Variants in PLCE1 observed in about 807,000 individuals in gnomAD.
PLCE1 encodes phospholipase C epsilon 1.
Under a neutral mutation model 242.8 loss-of-function variants are expected in PLCE1, and 119 were observed. The ratio of observed to expected loss-of-function variants is 0.49; its 90% confidence interval spans 0.42 to 0.57. PLCE1 has a LOEUF of 0.57. Among genes scored for constraint, PLCE1 ranks in the 20% least tolerant of loss-of-function variants. PLCE1 has a pLI of 0.00. For missense variants in PLCE1, 2,441 were observed against 2,788.8 expected, an observed-to-expected ratio of 0.88 and a Z score of 2.81; for synonymous variants, 945 against 1,017.4, an observed-to-expected ratio of 0.93 and a Z score of 1.35.
At chr10:94,127,178 G>A (rs1214182772) in intron 2 of PLCE1, among the ~76,000 whole-genome samples, 2 of 152,224 alleles carry the variant, frequency 1.3e-5, no homozygotes, top group African/African-American at 4.8e-5. Context: ...AACATCTGCT[G>A]TGTAGCAAAG....
At chr10:94,067,679 G>A (rs1290146056) in intron 2 of PLCE1, among the ~76,000 whole-genome samples, 1 of 152,230 alleles carries the variant, frequency 6.6e-6, no homozygotes, top group African/African-American at 2.4e-5. Flanking sequence ...CTTGTGCAAT[G>A]AAAGAGGGCT....
intron 2 of PLCE1, among the ~76,000 whole-genome samples, chr10:94,110,434 T>C (rs1464386163): frequency 2.6e-5 from 4 of 152,196 alleles, no homozygotes; most frequent in Admixed American, 6.5e-5. Flanking sequence ...CACAAATATG[T>C]GTATCACAAC....
intron 3 of PLCE1, among the ~76,000 whole-genome samples, chr10:94,154,639 G>A (rs1233899027): frequency 6.6e-6 from 1 of 152,010 alleles, no homozygotes; most frequent in Non-Finnish European, 1.5e-5. Context: ...TCAAAAATGG[G>A]CAAAGGACTT....
At chr10:94,159,774 C>T (rs939780321) in intron 3 of PLCE1, among the ~76,000 whole-genome samples, 2 of 152,074 alleles carry the variant, frequency 1.3e-5, no homozygotes, top group Admixed American at 6.5e-5. Context: ...CCTCCTTCCC[C>T]CTCCCCACAA....
chr10:94,237,298 CTG>C (rs947179822), intron 7 of PLCE1, among the ~76,000 whole-genome samples: 1 of 152,174 alleles, frequency 6.6e-6, no homozygotes, highest in Admixed American at 6.5e-5. Context: ...TCATCTGGGG[CTG>C]TGTGTGTATG....
At chr10:94,038,014 A>G (rs1269731959) in intron 2 of PLCE1, among the ~76,000 whole-genome samples, 1 of 152,146 alleles carries the variant, frequency 6.6e-6, no homozygotes, top group African/African-American at 2.4e-5. Context: ...CCGTGGTAGT[A>G]TGTGGCCTGA....
intron 18 of PLCE1, among the ~76,000 whole-genome samples, chr10:94,272,493 C>A (rs1039679972): frequency 1.3e-5 from 2 of 152,094 alleles, no homozygotes; most frequent in Non-Finnish European, 2.9e-5. Context: ...TCCAAACACA[C>A]ATGTTTTACA....
chr10:94,204,736 GAAGA>G (rs1484790153), intron 4 of PLCE1, among the ~76,000 whole-genome samples: 12 of 142,334 alleles, frequency 8.4e-5, no homozygotes, highest in African/African-American at 3.2e-4. Flanking sequence ...AGGAAGGAAA[GAAGA>G]AGGGAGGGAG....
chr10:94,233,054 C>T (rs902161994), intron 5 of PLCE1, among the ~76,000 whole-genome samples: 3 of 152,214 alleles, frequency 2.0e-5, no homozygotes, highest in East Asian at 3.8e-4. Flanking sequence ...GCTATCTGCT[C>T]AGATCCACTT....
intron 1 of PLCE1, among the ~76,000 whole-genome samples, chr10:94,005,103 C>A (rs1648001): frequency 0.51 from 77,219 of 152,032 alleles, 20,133 homozygotes; most frequent in East Asian, 0.73. Flanking sequence ...ATCCTCGTTC[C>A]TTCCTTTTTG....
At chr10:94,248,207 C>T (rs529279656) in intron 8 of PLCE1, among the ~76,000 whole-genome samples, 3 of 152,290 alleles carry the variant, frequency 2.0e-5, no homozygotes, top group South Asian at 4.1e-4. Context: ...TCCTGAGTGA[C>T]TAACTTGATT....
At chr10:94,279,456 C>T (rs545107403) in intron 19 of PLCE1, 13 of 376,968 alleles carry the variant, frequency 3.4e-5, no homozygotes, top group African/African-American at 2.7e-4. Flanking sequence ...CTTCTTCAGT[C>T]ACTTGGGATT....
intron 2 of PLCE1, among the ~76,000 whole-genome samples, chr10:94,052,113 A>G (rs1185449548): frequency 1.3e-5 from 2 of 152,234 alleles, no homozygotes; most frequent in Non-Finnish European, 2.9e-5. Flanking sequence ...TTATTTGACT[A>G]ATGATTGATT....
intron 2 of PLCE1, among the ~76,000 whole-genome samples, chr10:94,113,122 G>A (rs1348219509): frequency 2.6e-5 from 4 of 152,182 alleles, no homozygotes; most frequent in African/African-American, 9.7e-5. Context: ...AAAGTAGGGA[G>A]TGACTTTAAA....
intron 1 of PLCE1, among the ~76,000 whole-genome samples, chr10:94,000,360 T>C (rs1412554791): frequency 5.3e-5 from 8 of 152,256 alleles, no homozygotes; most frequent in South Asian, 2.1e-4. Context: ...TTGTGCAAGA[T>C]ACTTGGCCTG....
At chr10:94,293,416 A>G in intron 22 of PLCE1, 92 bp from the exon 23 acceptor site, 1 of 1,384,158 alleles carries the variant, frequency 7.2e-7, no homozygotes. Context: ...AGGGAGTAGT[A>G]GGACTTCAAA....
Position 94,031,003 on chromosome 10 carries a change from G to A in PLCE1, c.-44G>A, listed in dbSNP as rs762223143. 13 of 1,605,118 alleles carry A rather than the reference G, an allele frequency of 8.1e-6. No homozygotes were observed. The highest frequency in any genetic ancestry group is 4.4e-5 in the South Asian group (4 of 90,848). On this transcript the variant is annotated 5_prime_UTR_variant, in exon 2 of 33. Transcript: ENST00000371380. ...TTAAAACCTTGACATGATCACCAGG[G>A]AGGAAAAATAGAGCAATAGTCAAAA...
chr10:94,131,948 T>C (rs1266355001), intron 2 of PLCE1, among the ~76,000 whole-genome samples: 2 of 152,210 alleles, frequency 1.3e-5, no homozygotes, highest in South Asian at 2.1e-4. Flanking sequence ...CTCTGTTTGA[T>C]AGCAGAGTTG....
At chr10:94,193,951 T>G (rs1363656821) in intron 4 of PLCE1, among the ~76,000 whole-genome samples, 3 of 152,210 alleles carry the variant, frequency 2.0e-5, no homozygotes, top group Non-Finnish European at 4.4e-5. Flanking sequence ...AATGAAATTG[T>G]CTTTTTTTAA....
Sources: gnomAD v4.1 joint callset for allele counts (sites outside exome capture counted in the v4.1 genomes callset) on GRCh38, gnomAD v4.1.1 for gene constraint, MANE v1.5 for transcripts, NCBI Gene and HGNC (gene_info 2026-07-23, HGNC 2026-07-21) for gene names.